The following RERE variants were observed in gnomAD, a reference collection of about 807,000 sequenced individuals.
RERE encodes the protein arginine-glutamic acid dipeptide repeats.
Under a neutral mutation model 146.1 loss-of-function variants are expected in RERE, and 40 were observed. The observed-to-expected ratio is 0.27, with a 90% CI of 0.21 to 0.36. The LOEUF is 0.36. RERE is among the 10% of genes least tolerant of loss of function. The probability of loss-of-function intolerance (pLI) is 1.00; values close to 1 mark genes in which losing one functional copy is unlikely to be tolerated. For missense variants in RERE, 1,933 were observed against 2,138.7 expected, an observed-to-expected ratio of 0.90 and a Z score of 1.90; for synonymous variants, 1,003 against 866.0, an observed-to-expected ratio of 1.16 and a Z score of -2.78.
Position 8,728,546 on chromosome 1 carries a change from AG to A in RERE, c.-144-72106del, listed in dbSNP as rs538779754. Among the ~76,000 whole-genome samples the A allele has an allele frequency of 1.7e-3, 265 of 152,316 alleles. 1 individual carries two copies. Among genetic ancestry groups the A allele is most frequent in the Non-Finnish European group, 3.3e-3 (223 of 68,036 alleles). ...TAGGGGATTAGTAGTCACCATTAAA[AG>A]GTATGATATTTCAATTACCCACAGT... On this transcript the variant is annotated intron_variant, in intron 1 of 22. Transcript: ENST00000400908.
At chr1:8,530,511 C>T (rs1156977825) in intron 7 of RERE, among the ~76,000 whole-genome samples, 1 of 150,898 alleles carries the variant, frequency 6.6e-6, no homozygotes, top group South Asian at 2.1e-4. Context: ...GGAGGCGGGG[C>T]GGGGAGGGGA....
intron 1 of RERE, among the ~76,000 whole-genome samples, chr1:8,683,816 C>A (rs1639028951): frequency 6.6e-6 from 1 of 152,024 alleles, no homozygotes; most frequent in African/African-American, 2.4e-5. Flanking sequence ...GTGGGGCATG[C>A]CTGTAATCTC....
At chr1:8,709,985 C>G (rs1167209851) in intron 1 of RERE, among the ~76,000 whole-genome samples, 1 of 152,166 alleles carries the variant, frequency 6.6e-6, no homozygotes, top group African/African-American at 2.4e-5. Flanking sequence ...GATCTCCTAC[C>G]TTTCTGGCGA....
At chr1:8,613,062 C>G (rs1646811143) in intron 4 of RERE, among the ~76,000 whole-genome samples, 2 of 152,158 alleles carry the variant, frequency 1.3e-5, no homozygotes, top group African/African-American at 4.8e-5. Flanking sequence ...ATCAATATAT[C>G]ATCTCTACTG....
At chr1:8,412,174 A>T (rs1344709890) in intron 12 of RERE, among the ~76,000 whole-genome samples, 2 of 152,172 alleles carry the variant, frequency 1.3e-5, no homozygotes, top group Non-Finnish European at 2.9e-5. Flanking sequence ...GCCAAACAAC[A>T]ATCAAAAAAA....
intron 11 of RERE, among the ~76,000 whole-genome samples, chr1:8,438,854 C>A (rs1452445378): frequency 6.6e-6 from 1 of 152,166 alleles, no homozygotes; most frequent in Non-Finnish European, 1.5e-5. Context: ...ATGATAAGCT[C>A]ATTACAGGCC....
intron 1 of RERE, among the ~76,000 whole-genome samples, chr1:8,711,810 CCAGA>C (rs1167638013): frequency 6.6e-6 from 1 of 152,036 alleles, no homozygotes; most frequent in Non-Finnish European, 1.5e-5. Context: ...AAAATATTAA[CCAGA>C]CAGATAATTG....
At chr1:8,640,347 T>C (rs748858724) in intron 2 of RERE, among the ~76,000 whole-genome samples, 15 of 152,116 alleles carry the variant, frequency 9.9e-5, no homozygotes, top group Non-Finnish European at 1.9e-4. Context: ...CTGTCAAGTA[T>C]CAACATCTGT....
At chr1:8,541,615 A>C (rs1645801875) in intron 6 of RERE, among the ~76,000 whole-genome samples, 1 of 152,220 alleles carries the variant, frequency 6.6e-6, no homozygotes. Context: ...GAAATGGAGA[A>C]AAATTAAAAC....
rs554102458 is a variant in RERE at position 8,610,374 on chromosome 1, A to G, written c.522+4187T>C. ...GGGAGGCCGAGGCGGGCAGATCACAAGGTCAGCAGTTCGAGACCAGCCTGG... is the reference window on the plus strand; with the variant it reads ...GGGAGGCCGAGGCGGGCAGATCACAGGGTCAGCAGTTCGAGACCAGCCTGG... On this transcript the variant is annotated intron_variant, in intron 4 of 22. Coordinates refer to ENST00000400908, the MANE Select transcript of RERE (RefSeq NM_001042681.2). 4.6e-5 allele frequency among the ~76,000 whole-genome samples: 7 copies of G among 152,070 alleles called. No individual in the cohort carries two copies. The South Asian group carries it at 1.0e-3, about 23-fold the overall frequency.
chr1:8,362,434 C>T (rs1024864958), intron 16 of RERE, among the ~76,000 whole-genome samples: 6 of 152,180 alleles, frequency 3.9e-5, no homozygotes, highest in African/African-American at 1.4e-4. Flanking sequence ...TCTAACCACT[C>T]CCCACACTTT....
intron 4 of RERE, among the ~76,000 whole-genome samples, chr1:8,558,230 T>C (rs978776037): frequency 1.3e-5 from 2 of 152,240 alleles, no homozygotes; most frequent in African/African-American, 4.8e-5. Context: ...TAAATGTTTG[T>C]AGGACACTGC....
chr1:8,619,138 G>A (rs901382334), intron 3 of RERE, among the ~76,000 whole-genome samples: 1 of 152,198 alleles, frequency 6.6e-6, no homozygotes, highest in African/African-American at 2.4e-5. Flanking sequence ...AAGGTAACTA[G>A]TAGTATGCAT....
In RERE at chr1:8,360,982, G is replaced by A; in HGVS notation, c.2525C>T (p.Ala842Val). Residue 842 changes from alanine to valine, a missense_variant, in exon 18 of 23, where the codon GCC becomes GTC. Transcript: ENST00000400908. ...GCCCTGACCGTGCAGTGGGGGCTGG[G>A]CATGAGAGGGTGCAGAAGGCTGGCC... The part of the protein sequence containing the change: ...SAGQPSAPSH[A>V]QPPLHGQGPP... 1 of 1,444,162 alleles carries A rather than the reference G, an allele frequency of 6.9e-7. No homozygotes were observed. Among genetic ancestry groups the A allele is most frequent in the Non-Finnish European group, 9.0e-7 (1 of 1,105,716 alleles). The allele number at this position is 1,444,162 out of a possible 1,614,324, so 89.5% of individuals were successfully genotyped here.
chr1:8,813,743 T>C (rs751682275), intron 1 of RERE, among the ~76,000 whole-genome samples: 48 of 151,480 alleles, frequency 3.2e-4, no homozygotes, highest in Non-Finnish European at 6.2e-4. Context: ...GCCCCCCAAG[T>C]AGCTGGGATT....
chr1:8,498,488 G>A (rs1645076617), intron 8 of RERE, among the ~76,000 whole-genome samples: 1 of 151,858 alleles, frequency 6.6e-6, no homozygotes, highest in Non-Finnish European at 1.5e-5. Flanking sequence ...CTGAGGTCAG[G>A]AGTTCAAAAC....
At chr1:8,659,218 G>A (rs1373034658) in intron 1 of RERE, among the ~76,000 whole-genome samples, 5 of 152,172 alleles carry the variant, frequency 3.3e-5, no homozygotes, top group Admixed American at 2.0e-4. Context: ...CTACTTCCTC[G>A]ACAAGTCTTA....
chr1:8,777,890 TA>T lies in RERE; in HGVS notation c.-145+39269del, dbSNP rs36090225. Among the ~76,000 whole-genome samples the T allele has an allele frequency of 1.3e-3, 176 of 140,702 alleles. 1 individual carries two copies. The highest frequency in any genetic ancestry group is 8.1e-3 in the South Asian group (35 of 4,296). The allele number at this position is 140,702 out of a possible 152,430, so 92.3% of individuals were successfully genotyped here. A position where few individuals can be genotyped will look rare whatever the true frequency, so the allele number is the denominator to read the frequency against. Reference sequence around the variant, plus strand: ...TGGTATAAAAATAAAAGTATATGGTTAAAAAAAAAAAAAAACTTCAACTACC... The same window carrying T: ...TGGTATAAAAATAAAAGTATATGGTTAAAAAAAAAAAAAACTTCAACTACC... On this transcript the variant is annotated intron_variant, in intron 1 of 22. Coordinates refer to ENST00000400908, the MANE Select transcript of RERE (RefSeq NM_001042681.2).
chr1:8,363,259 A>T (rs973099255), intron 15 of RERE, among the ~76,000 whole-genome samples: 7 of 152,274 alleles, frequency 4.6e-5, no homozygotes, highest in African/African-American at 1.7e-4. Context: ...TTGTGGATTT[A>T]ATCTGACAGG....
Sources: allele counts gnomAD v4.1 joint callset (sites outside exome capture counted in the v4.1 genomes callset), GRCh38; gene constraint gnomAD v4.1.1; transcripts MANE v1.5; gene names NCBI Gene and HGNC (gene_info 2026-07-23, HGNC 2026-07-21).